Variants in ANKRD12 observed in about 807,000 individuals in gnomAD.
ANKRD12 encodes ankyrin repeat domain-containing protein 12.
ANKRD12 carries 85 observed loss-of-function variants against 183.4 expected under a neutral mutation model. The ratio of observed to expected loss-of-function variants is 0.46; its 90% CI spans 0.39 to 0.56. The LOEUF (loss-of-function observed/expected upper bound fraction) is 0.56, where lower values mean the gene tolerates loss of function less well. Among genes scored for constraint, ANKRD12 ranks in the 20% least tolerant of loss-of-function variants. The probability of loss-of-function intolerance (pLI) is 0.00; values close to 1 mark genes in which losing one functional copy is unlikely to be tolerated. For synonymous variants in ANKRD12, 914 were observed against 800.2 expected (o/e 1.14, Z -2.40); for missense variants, 2,405 against 2,357.1 (o/e 1.02, Z -0.42).
intron 1 of ANKRD12, among the ~76,000 whole-genome samples, chr18:9,157,550 G>GGTGTGTATGTGTGTGTGTGTGT (rs1555707774): frequency 4.4e-5 from 5 of 114,598 alleles, no homozygotes; most frequent in African/African-American, 2.0e-4. Flanking sequence ...GGTGTGTGTG[G>GGTGTGTATGTGTGTGTGTGTGT]GTGTGTGTGT....
chr18:9,275,412 G>T, intron 10 of ANKRD12, 112 bp from the exon 11 acceptor site: 1 of 859,546 alleles, frequency 1.2e-6, no homozygotes, highest in Non-Finnish European at 1.7e-6. Flanking sequence ...GGTCAAGGCT[G>T]CAGTGAGCTG....
intron 8 of ANKRD12, among the ~76,000 whole-genome samples, chr18:9,232,495 G>A (rs559671868): frequency 1.3e-5 from 2 of 152,146 alleles, no homozygotes; most frequent in African/African-American, 4.8e-5. Flanking sequence ...TCTGATGGTG[G>A]TGGGGGGAGG....
rs1027831336 is a variant in ANKRD12, at chr18:9,225,303, A to G, written c.943+3304A>G. Among the ~76,000 whole-genome samples the G allele has an allele frequency of 3.7e-4, 34 of 90,996 alleles. 8 individuals are homozygous for G. The highest frequency in any genetic ancestry group is 1.0e-3 in the African/African-American group (32 of 31,288). The allele number at this position is 90,996 out of a possible 152,430, so 59.7% of individuals were successfully genotyped here. On this transcript the variant is annotated intron_variant, in intron 8 of 12. Transcript: ENST00000262126. ...AGCCTGGGCAACATGGTGAAACCCC[A>G]TCTCTACAAAAAATACAAAAATTAG... is the stretch of plus-strand genomic sequence containing the variant.
At chr18:9,152,489 T>G (rs887233468) in intron 1 of ANKRD12, among the ~76,000 whole-genome samples, 1 of 152,148 alleles carries the variant, frequency 6.6e-6, no homozygotes, top group Non-Finnish European at 1.5e-5. Flanking sequence ...ATCTTCTTCC[T>G]GTCTTTTTAT....
chr18:9,210,253 T>TA (rs2035716460), intron 5 of ANKRD12, among the ~76,000 whole-genome samples: 2 of 152,268 alleles, frequency 1.3e-5, no homozygotes, highest in Admixed American at 1.3e-4. Flanking sequence ...AATTTGACTA[T>TA]AAGGATTACA....
chr18:9,251,105 T>C (rs1371432421), intron 8 of ANKRD12, among the ~76,000 whole-genome samples: 1 of 152,246 alleles, frequency 6.6e-6, no homozygotes, highest in Non-Finnish European at 1.5e-5. Flanking sequence ...TTCAGATGTT[T>C]TAAAATCATC....
At chr18:9,138,552 A>C (rs1020193699) in intron 1 of ANKRD12, among the ~76,000 whole-genome samples, 5 of 152,210 alleles carry the variant, frequency 3.3e-5, no homozygotes, top group Non-Finnish European at 1.5e-5. Flanking sequence ...AAACAAAAAA[A>C]CATATGCTCA....
chr18:9,226,825 T>TA (rs912267114), intron 8 of ANKRD12, among the ~76,000 whole-genome samples: 12 of 151,890 alleles, frequency 7.9e-5, no homozygotes, highest in Admixed American at 2.0e-4. Flanking sequence ...TGCTCTTTTT[T>TA]AAAAAAAATA....
intron 8 of ANKRD12, among the ~76,000 whole-genome samples, chr18:9,242,066 T>C (rs2037696266): frequency 6.6e-6 from 1 of 151,924 alleles, no homozygotes; most frequent in Non-Finnish European, 1.5e-5. Context: ...CACACACATA[T>C]CAGAAAAATA....
intron 8 of ANKRD12, chr18:9,235,551 A>C (rs986467090): frequency 1.5e-4 from 65 of 448,172 alleles, no homozygotes; most frequent in Non-Finnish European, 3.1e-5. Flanking sequence ...AGAATATACT[A>C]TATACTTGCA....
At chr18:9,239,598 G>A in intron 8 of ANKRD12, 1 of 1,088,184 alleles carries the variant, frequency 9.2e-7, no homozygotes, top group Non-Finnish European at 1.2e-6. Flanking sequence ...GAAAAAGACT[G>A]ATGAAAATAC....
chr18:9,168,030 G>T (rs1359040171), intron 1 of ANKRD12, among the ~76,000 whole-genome samples: 4 of 152,138 alleles, frequency 2.6e-5, no homozygotes, highest in Non-Finnish European at 5.9e-5. Flanking sequence ...TTATTGATTT[G>T]CATATGTTGA....
intron 1 of ANKRD12, among the ~76,000 whole-genome samples, chr18:9,146,281 A>T (rs2078490322): frequency 6.6e-6 from 1 of 152,234 alleles, no homozygotes; most frequent in Non-Finnish European, 1.5e-5. Context: ...AATAAAACCA[A>T]GCCTGGCACA....
intron 9 of ANKRD12, chr18:9,259,825 G>A (rs2038863581): frequency 6.6e-6 from 1 of 152,084 alleles, no homozygotes; most frequent in Non-Finnish European, 1.5e-5. Flanking sequence ...TCCCATCTCT[G>A]ATCCTTAGTT....
intron 8 of ANKRD12, among the ~76,000 whole-genome samples, chr18:9,233,895 G>T (rs932880054): frequency 6.6e-6 from 1 of 152,176 alleles, no homozygotes; most frequent in Non-Finnish European, 1.5e-5. Flanking sequence ...ATTCTTAGAT[G>T]TCCAGGTAGC....
intron 8 of ANKRD12, among the ~76,000 whole-genome samples, chr18:9,247,766 C>T (rs2038048220): frequency 6.6e-6 from 1 of 151,628 alleles, no homozygotes; most frequent in Non-Finnish European, 1.5e-5. Flanking sequence ...TATTGCATCT[C>T]CATAGTTTTG....
chr18:9,214,756 A>T (rs2035999076), intron 6 of ANKRD12, among the ~76,000 whole-genome samples: 1 of 152,198 alleles, frequency 6.6e-6, no homozygotes, highest in African/African-American at 2.4e-5. Flanking sequence ...ATCCAGCATA[A>T]GGACCAGTGG....
At chr18:9,172,679 G>T (rs1382009194) in intron 1 of ANKRD12, among the ~76,000 whole-genome samples, 2 of 152,170 alleles carry the variant, frequency 1.3e-5, no homozygotes, top group African/African-American at 4.8e-5. Context: ...CTTTAGCTCA[G>T]CCAAGTTCAT....
intron 8 of ANKRD12, among the ~76,000 whole-genome samples, chr18:9,224,056 A>C (rs1270934234): frequency 1.3e-5 from 2 of 152,232 alleles, no homozygotes; most frequent in Admixed American, 1.3e-4. Context: ...ATATTTCTAG[A>C]CAATATAGCA....
Sources: allele counts gnomAD v4.1 joint callset (sites outside exome capture counted in the v4.1 genomes callset), GRCh38; gene constraint gnomAD v4.1.1; transcripts MANE v1.5; gene names NCBI Gene and HGNC (gene_info 2026-07-23, HGNC 2026-07-21).